The following MIPOL1 variants were observed in gnomAD, a reference collection of about 807,000 sequenced individuals.
MIPOL1 encodes mirror-image polydactyly 1, also known as mirror-image polydactyly gene 1 protein.
A neutral mutation model predicts 60.9 loss-of-function variants in MIPOL1; 57 were observed. That is an observed-to-expected ratio of 0.94 (90% confidence interval 0.76 to 1.17). The LOEUF (loss-of-function observed/expected upper bound fraction) is 1.17. Ranked by LOEUF, MIPOL1 falls within the 50% of genes most tolerant of loss-of-function variation. The pLI is 0.00. For missense variants in MIPOL1, 551 were observed against 511.6 expected (o/e 1.08, Z -0.74); for synonymous variants, 179 against 168.8 (o/e 1.06, Z -0.47).
intron 9 of MIPOL1, among the ~76,000 whole-genome samples, chr14:37,361,870 GTGCTGTT>G (rs2092275493): frequency 1.3e-5 from 2 of 152,026 alleles, no homozygotes; most frequent in Non-Finnish European, 2.9e-5. Context: ...GCCTTTCAAA[GTGCTGTT>G]TGTCTCTTTT....
rs2153645144 is a variant in MIPOL1, at chr14:37,549,008, C to T, written c.*2037C>T. On this transcript the variant is annotated 3_prime_UTR_variant, in exon 13 of 13. Transcript: ENST00000684589. ...TGAAAATGAATTGTCTACAAAATTT[C>T]AAATGCAAAGTATTACAGCCAAATA... The T allele has an allele frequency of 6.6e-6, 1 of 152,050 alleles. No homozygotes were observed. Among genetic ancestry groups the T allele is most frequent in the South Asian group, 2.1e-4 (1 of 4,822 alleles). The allele number at this position is 152,050 out of a possible 1,614,324, so 9.4% of individuals were successfully genotyped here. A position where few individuals can be genotyped will look rare whatever the true frequency, so the allele number is the denominator to read the frequency against.
At chr14:37,291,652 C>T (rs1381690851) in intron 7 of MIPOL1, among the ~76,000 whole-genome samples, 1 of 151,940 alleles carries the variant, frequency 6.6e-6, no homozygotes, top group Non-Finnish European at 1.5e-5. Context: ...GTATCTGGGA[C>T]TAGGTAATTT....
At chr14:37,228,120 A>G (rs1223039310) in intron 1 of MIPOL1, among the ~76,000 whole-genome samples, 2 of 151,968 alleles carry the variant, frequency 1.3e-5, no homozygotes, top group African/African-American at 4.8e-5. Context: ...GGATTTCTGT[A>G]TTGGTGGGAC....
chr14:37,232,916 A>G (rs1375735807), intron 1 of MIPOL1, among the ~76,000 whole-genome samples: 1 of 152,350 alleles, frequency 6.6e-6, no homozygotes, highest in Non-Finnish European at 1.5e-5. Flanking sequence ...CAGATTATAC[A>G]GTGATTAAAC....
At chr14:37,496,876 G>A (rs1392128384) in intron 11 of MIPOL1, among the ~76,000 whole-genome samples, 1 of 151,972 alleles carries the variant, frequency 6.6e-6, no homozygotes, top group Non-Finnish European at 1.5e-5. Flanking sequence ...AAAGCTGGAG[G>A]CATCACACTA....
rs1453308105 is a variant in MIPOL1 at position 37,313,101 on chromosome 14, CCA to C, written c.828+4583_828+4584del. On this transcript the variant is annotated intron_variant, in intron 9 of 12. Transcript: ENST00000684589. Reference sequence around the variant, plus strand: ...ATACCCATCTTCTCTTAATATCTAGCCATTGGTGTTAGAATTGGTCTCAGAAC... The same window carrying C: ...ATACCCATCTTCTCTTAATATCTAGCTTGGTGTTAGAATTGGTCTCAGAAC... Among the ~76,000 whole-genome samples, 3 of 151,764 alleles carry C rather than the reference CCA, an allele frequency of 2.0e-5. No homozygotes were observed. In the Admixed American group the frequency reaches 2.0e-4, roughly 10 times the overall value.
chr14:37,489,751 C>T (rs200078968), intron 11 of MIPOL1, among the ~76,000 whole-genome samples: 1 of 152,286 alleles, frequency 6.6e-6, no homozygotes, highest in Admixed American at 6.5e-5. Context: ...CCACTCTAGA[C>T]CCTGTTTGCC....
At chr14:37,351,476 A>G (rs1404184394) in intron 9 of MIPOL1, among the ~76,000 whole-genome samples, 2 of 151,970 alleles carry the variant, frequency 1.3e-5, no homozygotes, top group African/African-American at 4.8e-5. Context: ...TCCCTGAGGA[A>G]TCGCCACACT....
At chr14:37,277,123 A>G (rs1030895585) in intron 6 of MIPOL1, 2 of 151,332 alleles carry the variant, frequency 1.3e-5, no homozygotes, top group Non-Finnish European at 3.0e-5. Flanking sequence ...TGGGTTTAAC[A>G]TACAATGGAC....
chr14:37,254,764 T>C (rs1195835739), intron 3 of MIPOL1, among the ~76,000 whole-genome samples: 1 of 151,802 alleles, frequency 6.6e-6, no homozygotes, highest in African/African-American at 2.4e-5. Context: ...TTCTTACATC[T>C]TTGGTTCCTG....
At chr14:37,342,342 CAGAG>C in intron 9 of MIPOL1, among the ~76,000 whole-genome samples, 1 of 151,132 alleles carries the variant, frequency 6.6e-6, no homozygotes, top group South Asian at 2.1e-4. Context: ...GCCTGGGTGA[CAGAG>C]TGAGACTCTG....
intron 12 of MIPOL1, chr14:37,507,878 T>G (rs1471970476): frequency 6.6e-6 from 1 of 152,222 alleles, no homozygotes; most frequent in African/African-American, 2.4e-5. Flanking sequence ...GATCAGAGTT[T>G]AAGCACAACT....
intron 11 of MIPOL1, among the ~76,000 whole-genome samples, chr14:37,457,406 T>G (rs1470408276): frequency 6.6e-6 from 1 of 152,150 alleles, no homozygotes; most frequent in African/African-American, 2.4e-5. Flanking sequence ...TTCCACACAC[T>G]GGGTTTCCAG....
intron 10 of MIPOL1, among the ~76,000 whole-genome samples, chr14:37,415,417 T>C (rs903766693): frequency 2.6e-5 from 4 of 151,606 alleles, no homozygotes; most frequent in African/African-American, 9.7e-5. Context: ...GGTCAGGAGA[T>C]CGAGACCATC....
At chr14:37,467,776 CG>C (rs1259313933) in intron 11 of MIPOL1, among the ~76,000 whole-genome samples, 4 of 151,800 alleles carry the variant, frequency 2.6e-5, no homozygotes, top group African/African-American at 9.7e-5. Context: ...GATTTTTGGC[CG>C]GGTGCGGTGG....
chr14:37,412,814 G>A (rs1376383511), intron 10 of MIPOL1, among the ~76,000 whole-genome samples: 1 of 152,056 alleles, frequency 6.6e-6, no homozygotes, highest in African/African-American at 2.4e-5. Context: ...AAACATTCAT[G>A]TAAAATAAAA....
chr14:37,476,398 T>C (rs10138614), intron 11 of MIPOL1, among the ~76,000 whole-genome samples: 86,701 of 151,904 alleles, frequency 0.57, 26,001 homozygotes, highest in Non-Finnish European at 0.66. Flanking sequence ...GTTTTAATTC[T>C]TCCTTCCCAA....
At chr14:37,353,620 CTGG>C (rs938348969) in intron 9 of MIPOL1, among the ~76,000 whole-genome samples, 14 of 151,040 alleles carry the variant, frequency 9.3e-5, no homozygotes, top group African/African-American at 3.4e-4. Flanking sequence ...CAACTTCTTC[CTGG>C]TTTAGTCTTG....
chr14:37,520,679 A>G lies in MIPOL1; in HGVS notation c.1262+20541A>G, dbSNP rs143458035. ...TTTTTTGCATTGGTATAAGATAAAGAAGTTAATTTACATTGATTGTTTTAT... is the reference window on the plus strand; with the variant it reads ...TTTTTTGCATTGGTATAAGATAAAGGAGTTAATTTACATTGATTGTTTTAT... On this transcript the variant is annotated intron_variant, in intron 12 of 12. Coordinates refer to ENST00000684589, the MANE Select transcript of MIPOL1 (RefSeq NM_001388067.1). Among the ~76,000 whole-genome samples the G allele has an allele frequency of 7.6e-3, 1,163 of 152,236 alleles. 10 individuals are homozygous for G. Among genetic ancestry groups the G allele is most frequent in the Non-Finnish European group, 0.011 (770 of 68,012 alleles).
Sources: allele counts gnomAD v4.1 joint callset (sites outside exome capture counted in the v4.1 genomes callset), GRCh38; gene constraint gnomAD v4.1.1; transcripts MANE v1.5; gene names NCBI Gene and HGNC (gene_info 2026-07-23, HGNC 2026-07-21).